EYS: variants seen among roughly 807,000 people sequenced by gnomAD.
EYS encodes the protein protein eyes shut homolog.
A neutral mutation model predicts 282.1 loss-of-function variants in EYS; 250 were observed. That is an observed-to-expected ratio of 0.89 (90% CI 0.80 to 0.98). The LOEUF (loss-of-function observed/expected upper bound fraction) is 0.98. EYS is among the 50% of genes least tolerant of loss of function. The probability of loss-of-function intolerance (pLI) is 0.00; values close to 1 mark genes in which losing one functional copy is unlikely to be tolerated. For missense variants in EYS, 4,016 were observed against 3,709.0 expected, an observed-to-expected ratio of 1.08 and a Z score of -2.15; for synonymous variants, 1,355 against 1,282.9, an observed-to-expected ratio of 1.06 and a Z score of -1.20.
intron 35 of EYS, among the ~76,000 whole-genome samples, chr6:63,954,970 G>GC (rs1051522711): frequency 1.3e-5 from 2 of 152,010 alleles, no homozygotes; most frequent in African/African-American, 4.8e-5. Context: ...GATTGTTCAG[G>GC]CCCCCTCTCT....
rs560175251 is a variant in EYS at position 63,740,495 on chromosome 6, A to C, written c.8072-13815T>G. Among the ~76,000 whole-genome samples the C allele has an allele frequency of 2.6e-5, 4 of 152,310 alleles. No homozygotes were observed. In the South Asian group the frequency reaches 8.3e-4, roughly 32 times the overall value. On this transcript the variant is annotated intron_variant, in intron 41 of 42. Transcript: ENST00000503581. ...GCAGCATGAAAATGGACTAATACAG[A>C]TCCTGACTTTTGTTTTCAAAACACT...
chr6:64,100,610 C>T (rs1412405412), intron 31 of EYS, among the ~76,000 whole-genome samples: 1 of 151,956 alleles, frequency 6.6e-6, no homozygotes, highest in Non-Finnish European at 1.5e-5. Flanking sequence ...AATAGTAACC[C>T]AATTTGTAGA....
intron 35 of EYS, among the ~76,000 whole-genome samples, chr6:63,912,229 G>A (rs1197204698): frequency 6.6e-6 from 1 of 152,034 alleles, no homozygotes; most frequent in African/African-American, 2.4e-5. Context: ...TTTGTCGTAA[G>A]TCTCTCCATG....
Position 63,818,563 on chromosome 6 carries a change from A to G in EYS, c.7229-12191T>C, listed in dbSNP as rs565915553. Among the ~76,000 whole-genome samples, 3 of 152,006 alleles carry G rather than the reference A, an allele frequency of 2.0e-5. No individual in the cohort carries two copies. The East Asian group carries it at 5.8e-4, about 29-fold the overall frequency. On this transcript the variant is annotated intron_variant, in intron 36 of 42. Transcript: ENST00000503581. ...TATCTTGTCCTATCCTGTACACTCT[A>G]TTTACTTCTAACCTTCCTCTGTGTG...
intron 14 of EYS, among the ~76,000 whole-genome samples, chr6:64,978,245 C>A (rs138373272): frequency 3.0e-4 from 45 of 151,938 alleles, no homozygotes; most frequent in African/African-American, 1.1e-3. Flanking sequence ...AGCCAGTGTT[C>A]ATTTACCATT....
intron 13 of EYS, among the ~76,000 whole-genome samples, chr6:65,013,908 AT>A (rs1187926344): frequency 6.6e-6 from 1 of 152,158 alleles, no homozygotes; most frequent in East Asian, 1.9e-4. Context: ...ATATGATTGA[AT>A]GTCACTCCGT....
chr6:65,085,930 C>A (rs114104179), intron 12 of EYS, among the ~76,000 whole-genome samples: 1,131 of 109,664 alleles, frequency 0.01, 23 homozygotes, highest in African/African-American at 0.041. Context: ...ATTTCTCTCC[C>A]TTCCCTTCCC....
At chr6:65,700,206 A>C (rs977493087) in intron 1 of EYS, among the ~76,000 whole-genome samples, 1 of 151,496 alleles carries the variant, frequency 6.6e-6, no homozygotes, top group African/African-American at 2.4e-5. Flanking sequence ...TTTTGGAGAG[A>C]TCATAGCTGC....
chr6:64,855,895 A>G (rs1766044060), intron 19 of EYS, among the ~76,000 whole-genome samples: 1 of 152,166 alleles, frequency 6.6e-6, no homozygotes, highest in African/African-American at 2.4e-5. Context: ...GGCCTTCTTC[A>G]CTTAGCAATA....
At chr6:64,196,860 A>G (rs962006794) in intron 31 of EYS, among the ~76,000 whole-genome samples, 3 of 152,026 alleles carry the variant, frequency 2.0e-5, no homozygotes, top group African/African-American at 7.2e-5. Flanking sequence ...TAACCTGCAC[A>G]TTGTGCACAT....
At chr6:64,393,708 T>C (rs1472678259) in intron 28 of EYS, among the ~76,000 whole-genome samples, 1 of 151,304 alleles carries the variant, frequency 6.6e-6, no homozygotes, top group Non-Finnish European at 1.5e-5. Flanking sequence ...AGCATTCCCT[T>C]TGAAAACTGG....
chr6:64,490,274 T>C (rs1333564970), intron 26 of EYS, among the ~76,000 whole-genome samples: 1 of 150,878 alleles, frequency 6.6e-6, no homozygotes, highest in Non-Finnish European at 1.5e-5. Flanking sequence ...ATATTGAGCA[T>C]CTACCATATA....
chr6:64,332,027 T>C (rs1231717849), intron 29 of EYS, among the ~76,000 whole-genome samples: 1 of 152,212 alleles, frequency 6.6e-6, no homozygotes, highest in African/African-American at 2.4e-5. Context: ...GTAGAGATAG[T>C]ACAACAGCTA....
chr6:65,470,061 C>T (rs1403909171), intron 5 of EYS, among the ~76,000 whole-genome samples: 1 of 152,066 alleles, frequency 6.6e-6, no homozygotes, highest in Non-Finnish European at 1.5e-5. Flanking sequence ...TATGGTAATA[C>T]CATCTTCCTT....
Position 63,720,914 on chromosome 6 carries a change from G to A in EYS, c.9117C>T (p.Phe3039=). The part of the protein sequence containing the change: ...SVPMSYNNGT[F]CCNKWHHVVV... ...CTACATGGTGCCATTTATTACAACA[G>A]AATGTGCCATTGTTATAGCTCATAG... Residue 3039 remains phenylalanine (F), a synonymous_variant, in exon 43 of 43, where the codon TTC becomes TTT. Transcript: ENST00000503581. 1 of 1,550,898 alleles carries A rather than the reference G, an allele frequency of 6.4e-7. No individual in the cohort carries two copies. Among genetic ancestry groups the A allele is most frequent in the Non-Finnish European group, 8.7e-7 (1 of 1,146,434 alleles).
chr6:64,597,066 A>AT (rs547000291), intron 24 of EYS, among the ~76,000 whole-genome samples: 81 of 152,278 alleles, frequency 5.3e-4, no homozygotes, highest in African/African-American at 1.9e-3. Flanking sequence ...ATGAATAGGC[A>AT]TTTTTTTCAA....
intron 5 of EYS, among the ~76,000 whole-genome samples, chr6:65,462,782 C>G (rs1161005972): frequency 6.6e-6 from 1 of 151,954 alleles, no homozygotes; most frequent in Non-Finnish European, 1.5e-5. Flanking sequence ...ATATGGCTTA[C>G]ATTTTAAATA....
At chr6:64,195,159 G>A (rs1212393947) in intron 31 of EYS, among the ~76,000 whole-genome samples, 1 of 151,814 alleles carries the variant, frequency 6.6e-6, no homozygotes, top group Non-Finnish European at 1.5e-5. Flanking sequence ...TTATGCAACT[G>A]CATCCCTTTC....
At chr6:65,207,082 A>T (rs1401564466) in intron 12 of EYS, among the ~76,000 whole-genome samples, 1 of 151,784 alleles carries the variant, frequency 6.6e-6, no homozygotes, top group African/African-American at 2.4e-5. Flanking sequence ...AGGAAGTCAA[A>T]TTATCTCTAT....
Sources: gnomAD v4.1 joint callset for allele counts (sites outside exome capture counted in the v4.1 genomes callset) on GRCh38, gnomAD v4.1.1 for gene constraint, MANE v1.5 for transcripts, NCBI Gene and HGNC (gene_info 2026-07-23, HGNC 2026-07-21) for gene names.